Variants in NKAIN2 observed in about 807,000 individuals in gnomAD.
NKAIN2 encodes the protein sodium/potassium-transporting ATPase subunit beta-1-interacting protein 2.
Under a neutral mutation model 32.6 loss-of-function variants are expected in NKAIN2, and 14 were observed. The ratio of observed to expected loss-of-function variants is 0.43; its 90% CI spans 0.28 to 0.67. The LOEUF (loss-of-function observed/expected upper bound fraction) is 0.67. Ranked by LOEUF, NKAIN2 falls within the 30% of genes least tolerant of loss-of-function variation. NKAIN2 has a pLI of 0.17. For synonymous variants in NKAIN2, 80 were observed against 87.2 expected, an observed-to-expected ratio of 0.92 and a Z score of 0.46; for missense variants, 198 against 258.3, an observed-to-expected ratio of 0.77 and a Z score of 1.60.
chr6:123,824,884 T>C (rs1246732318), intron 1 of NKAIN2, among the ~76,000 whole-genome samples: 1 of 152,150 alleles, frequency 6.6e-6, no homozygotes, highest in African/African-American at 2.4e-5. Flanking sequence ...GGGTTCAATG[T>C]GCTCTGCTTC....
rs181164508 is a variant in NKAIN2 at position 124,808,661 on chromosome 6, G to T, written c.536-9726G>T. The stretch of plus-strand genomic sequence containing the variant: ...CAATTAGACAGGAGAAGGAAATAAA[G>T]GGTATTCAATAGGAAAAGAGGAAGT... On this transcript the variant is annotated intron_variant, in intron 5 of 6. Coordinates refer to ENST00000368417, the MANE Select transcript of NKAIN2 (RefSeq NM_001040214.3). Among the ~76,000 whole-genome samples, 332 of 152,274 alleles carry T rather than the reference G, an allele frequency of 2.2e-3. 2 individuals carry two copies. The highest frequency in any genetic ancestry group is 9.2e-3 in the South Asian group (44 of 4,808).
At chr6:123,960,345 G>T (rs998776501) in intron 1 of NKAIN2, among the ~76,000 whole-genome samples, 5 of 152,096 alleles carry the variant, frequency 3.3e-5, no homozygotes, top group Non-Finnish European at 1.5e-5. Flanking sequence ...GTCATCACTT[G>T]CTTTGTGGAG....
chr6:124,673,363 G>A (rs889276770), intron 4 of NKAIN2, among the ~76,000 whole-genome samples: 19 of 152,106 alleles, frequency 1.2e-4, no homozygotes, highest in South Asian at 6.2e-4. Context: ...GAATGCAGAT[G>A]TTCGTTCAAG....
chr6:124,693,190 T>C (rs1002945319), intron 4 of NKAIN2, among the ~76,000 whole-genome samples: 2 of 152,224 alleles, frequency 1.3e-5, no homozygotes, highest in African/African-American at 4.8e-5. Context: ...TATACAATGT[T>C]GGTCCCATAG....
intron 1 of NKAIN2, among the ~76,000 whole-genome samples, chr6:123,807,798 T>G (rs1384899042): frequency 6.6e-6 from 1 of 152,134 alleles, no homozygotes; most frequent in Non-Finnish European, 1.5e-5. Flanking sequence ...AAGTTTAGAT[T>G]TACACTCCAC....
rs1026873537 is a variant in NKAIN2, at chr6:123,815,193, C to T, written c.54+10939C>T. 3.3e-5 allele frequency among the ~76,000 whole-genome samples: 5 copies of T among 152,038 alleles called. No homozygotes were observed. In the South Asian group the frequency reaches 8.3e-4, roughly 25 times the overall value. On this transcript the variant is annotated intron_variant, in intron 1 of 6. Coordinates refer to ENST00000368417, the MANE Select transcript of NKAIN2 (RefSeq NM_001040214.3). ...GTTTAAATTGCAACCTGTTCTTTATCATTTATTTATTTATTAAGCCATATT... is the reference window on the plus strand; with the variant it reads ...GTTTAAATTGCAACCTGTTCTTTATTATTTATTTATTTATTAAGCCATATT...
intron 4 of NKAIN2, among the ~76,000 whole-genome samples, chr6:124,705,749 C>T (rs1775027405): frequency 6.6e-6 from 1 of 151,990 alleles, no homozygotes; most frequent in Non-Finnish European, 1.5e-5. Context: ...CTGTTAAACC[C>T]TGAATTTTGA....
At chr6:124,029,437 G>A (rs1312465148) in intron 1 of NKAIN2, among the ~76,000 whole-genome samples, 3 of 149,074 alleles carry the variant, frequency 2.0e-5, no homozygotes, top group Non-Finnish European at 4.4e-5. Context: ...GACAGCATTT[G>A]AAAAGATAAG....
chr6:124,450,880 T>C (rs924109335), intron 3 of NKAIN2, among the ~76,000 whole-genome samples: 4 of 152,102 alleles, frequency 2.6e-5, no homozygotes, highest in Non-Finnish European at 5.9e-5. Flanking sequence ...TTCTCACCTC[T>C]ATAGAGTTTA....
chr6:124,368,492 G>T (rs1799616597), intron 3 of NKAIN2, among the ~76,000 whole-genome samples: 1 of 151,898 alleles, frequency 6.6e-6, no homozygotes, highest in South Asian at 2.1e-4. Context: ...TTTTTTGTGG[G>T]CCTCAAAAAA....
intron 3 of NKAIN2, among the ~76,000 whole-genome samples, chr6:124,427,399 G>A (rs1775026535): frequency 6.6e-6 from 1 of 152,090 alleles, no homozygotes; most frequent in African/African-American, 2.4e-5. Context: ...TCATCATCTT[G>A]ATTATGGTGA....
At chr6:124,786,516 C>T (rs182866017) in intron 4 of NKAIN2, among the ~76,000 whole-genome samples, 34 of 152,116 alleles carry the variant, frequency 2.2e-4, no homozygotes, top group African/African-American at 8.2e-4. Flanking sequence ...CTGGGACATA[C>T]AATCATAATT....
At chr6:123,948,742 CT>C (rs1222499695) in intron 1 of NKAIN2, among the ~76,000 whole-genome samples, 1 of 151,002 alleles carries the variant, frequency 6.6e-6, no homozygotes, top group African/African-American at 2.4e-5. Context: ...GTTTGCTCTG[CT>C]GTGCAGAAGC....
intron 1 of NKAIN2, among the ~76,000 whole-genome samples, chr6:123,986,768 T>C (rs1454171187): frequency 6.6e-6 from 1 of 152,160 alleles, no homozygotes; most frequent in Non-Finnish European, 1.5e-5. Flanking sequence ...ACCTTCAATG[T>C]ATAAGTCAAG....
intron 1 of NKAIN2, among the ~76,000 whole-genome samples, chr6:123,809,606 A>C (rs1170216713): frequency 1.3e-5 from 2 of 152,124 alleles, no homozygotes; most frequent in Non-Finnish European, 2.9e-5. Context: ...GCACGTAATA[A>C]ATTTGTTACG....
chr6:124,332,068 C>A (rs1386264173), intron 2 of NKAIN2, among the ~76,000 whole-genome samples: 1 of 152,018 alleles, frequency 6.6e-6, no homozygotes, highest in African/African-American at 2.4e-5. Context: ...GTTTTAAAGA[C>A]AAAATGGATA....
At chr6:123,903,991 G>A (rs1774733004) in intron 1 of NKAIN2, among the ~76,000 whole-genome samples, 1 of 151,844 alleles carries the variant, frequency 6.6e-6, no homozygotes, top group Non-Finnish European at 1.5e-5. Flanking sequence ...ACTTTGGGAG[G>A]CCAAGGTGGG....
chr6:124,548,745 G>A (rs1237497147), intron 3 of NKAIN2, among the ~76,000 whole-genome samples: 8 of 152,176 alleles, frequency 5.3e-5, no homozygotes, highest in Admixed American at 3.9e-4. Context: ...CTAGGAGATG[G>A]GGAAGGAGCA....
chr6:124,354,063 A>G (rs1798856073), intron 2 of NKAIN2, among the ~76,000 whole-genome samples: 1 of 152,190 alleles, frequency 6.6e-6, no homozygotes. Flanking sequence ...TCCTCCCATG[A>G]AAGCCCTTCC....
Sources: allele counts gnomAD v4.1 joint callset (sites outside exome capture counted in the v4.1 genomes callset), GRCh38; gene constraint gnomAD v4.1.1; transcripts MANE v1.5; gene names NCBI Gene and HGNC (gene_info 2026-07-23, HGNC 2026-07-21).